The following ZNF30 variants were observed in gnomAD, a reference collection of about 807,000 sequenced individuals.
The protein encoded by ZNF30 is zinc finger protein 30 (KOX 28).
A neutral mutation model predicts 13.2 loss-of-function variants in ZNF30; 15 were observed. The observed-to-expected ratio is 1.13, with a 90% CI of 0.76 to 1.75. ZNF30 has a LOEUF of 1.75. Ranked by LOEUF, ZNF30 falls within the 40% of genes most tolerant of loss-of-function variation. The pLI, the probability that ZNF30 is intolerant of heterozygous loss-of-function variation, is 0.00. For synonymous variants in ZNF30, 223 were observed against 256.6 expected (o/e 0.87, Z 1.25); for missense variants, 726 against 757.0 (o/e 0.96, Z 0.48).
At chr19:34,928,252 T>TATATATATATATATAG (rs1325117057) in intron 1 of ZNF30, among the ~76,000 whole-genome samples, 34 of 56,508 alleles carry the variant, frequency 6.0e-4, no homozygotes, top group African/African-American at 7.8e-4. Flanking sequence ...TATATATATA[T>TATATATATATATATAG]ATAGATAGAT....
chr19:34,943,077 CTTTT>C, intron 4 of ZNF30, 142 bp from the exon 5 acceptor site: 3 of 478,142 alleles, frequency 6.3e-6, no homozygotes, highest in South Asian at 4.3e-5. Context: ...CTCTGCATTC[CTTTT>C]TTTTTTTTTG....
upstream of ZNF30, among the ~76,000 whole-genome samples, chr19:34,926,015 T>C (rs2012058843): frequency 6.6e-6 from 1 of 151,942 alleles, no homozygotes; most frequent in Admixed American, 6.6e-5. Context: ...CTACAAAAAA[T>C]ATACAAAAAT....
chr19:34,930,009 T>C, intron 2 of ZNF30, 53 bp downstream of exon 2: 1 of 1,543,574 alleles, frequency 6.5e-7, no homozygotes, highest in Non-Finnish European at 8.8e-7. Context: ...ACGTGGCTAT[T>C]TTCCTTAATT....
intron 1 of ZNF30, among the ~76,000 whole-genome samples, chr19:34,927,509 G>GA (rs753677883): frequency 6.6e-6 from 1 of 152,136 alleles, no homozygotes; most frequent in African/African-American, 2.4e-5. Context: ...TTCTTGTTTG[G>GA]AAAAAACTGT....
At chr19:34,938,737 C>T (rs879561020) in intron 4 of ZNF30, among the ~76,000 whole-genome samples, 3 of 152,224 alleles carry the variant, frequency 2.0e-5, no homozygotes, top group Admixed American at 1.3e-4. Context: ...ACTAAGACTG[C>T]CTGTGGTTGT....
intron 2 of ZNF30, 92 bp from the exon 3 acceptor site, chr19:34,931,751 T>C (rs1255879790): frequency 7.6e-7 from 1 of 1,317,116 alleles, no homozygotes; most frequent in Non-Finnish European, 1.0e-6. Context: ...GCTTCCAGCC[T>C]ATGTGATTGT....
intron 4 of ZNF30, among the ~76,000 whole-genome samples, chr19:34,935,650 C>T (rs895084967): frequency 1.3e-5 from 2 of 148,266 alleles, no homozygotes; most frequent in African/African-American, 5.0e-5. Flanking sequence ...TAGAATTTTG[C>T]CATTTTGAGG....
At chr19:34,932,632 T>C (rs2012511683) in intron 3 of ZNF30, among the ~76,000 whole-genome samples, 1 of 152,216 alleles carries the variant, frequency 6.6e-6, no homozygotes. Context: ...CTATAGGTGC[T>C]AACCATTTTA....
At chr19:34,940,355 TTTCTG>T (rs949740317) in intron 4 of ZNF30, among the ~76,000 whole-genome samples, 2 of 152,136 alleles carry the variant, frequency 1.3e-5, no homozygotes, top group African/African-American at 4.8e-5. Context: ...AAAAGTTTTT[TTTCTG>T]TTCTTTTATT....
In ZNF30 at chr19:34,933,669, C is replaced by G; in HGVS notation, c.202C>G (p.Gln68Glu). The change falls in exon 4 of 5, where the codon CAA (glutamine) becomes GAA (glutamate). Residue 68 changes from glutamine (Q) to glutamate (E), a missense_variant. By Grantham distance (29) the Gln-to-Glu change is conservative. Coordinates refer to ENST00000601142, the MANE Select transcript of ZNF30 (RefSeq NM_194325.3). ...SKPHVIALLE[Q>E]WKEPEVTVRK... ...ACCACATGTGATCGCCTTATTGGAA[C>G]AATGGAAAGAGCCTGAAGTGACAGT... is the stretch of plus-strand genomic sequence containing the variant. The G allele has an allele frequency of 6.2e-7, 1 of 1,601,656 alleles. No individual in the cohort carries two copies. Among genetic ancestry groups the G allele is most frequent in the Non-Finnish European group, 8.5e-7 (1 of 1,173,794 alleles).
At position 34,928,020 on chromosome 19, in the gene ZNF30, C is replaced by T. The variant is rs370002863; in HGVS notation, c.-65+804C>T. Among the ~76,000 whole-genome samples the T allele has an allele frequency of 2.3e-3, 352 of 151,552 alleles. 12 individuals carry two copies. Among genetic ancestry groups the T allele is most frequent in the African/African-American group, 8.1e-3 (336 of 41,326 alleles). ...GAGTTCGAGACCACCAACATGGCAA[C>T]ATGGTGAAACCCCGTCTCTACTAAA... On this transcript the variant is annotated intron_variant, in intron 1 of 4. Transcript: ENST00000601142.
chr19:34,944,150 C>T lies in ZNF30; in HGVS notation c.1184C>T (p.Thr395Ile), dbSNP rs368489324. 1 of 1,613,824 alleles carries T rather than the reference C, an allele frequency of 6.2e-7. No homozygotes were observed. The highest frequency in any genetic ancestry group is 8.5e-7 in the Non-Finnish European group (1 of 1,179,758). Residue 395 changes from threonine (T) to isoleucine (I), a missense_variant, in exon 5 of 5, where the codon ACT becomes ATT. By Grantham distance (89) the Thr-to-Ile change is moderately conservative. Transcript: ENST00000601142. ...SYLVQHGRLH[T>I]GEKPYECKEC... ...CTTGTTCAACATGGAAGACTTCACA[C>T]TGGCGAGAAGCCCTATGAATGTAAG...
chr19:34,934,497 T>C (rs186759727), intron 4 of ZNF30, among the ~76,000 whole-genome samples: 2 of 152,294 alleles, frequency 1.3e-5, no homozygotes, highest in East Asian at 3.9e-4. Context: ...ACTCCTGGGC[T>C]CAAGTGATCC....
At chr19:34,933,375 C>A (rs1277116667) in intron 3 of ZNF30, among the ~76,000 whole-genome samples, 2 of 151,978 alleles carry the variant, frequency 1.3e-5, no homozygotes, top group African/African-American at 4.8e-5. Context: ...ATTGCTTGAA[C>A]CCGGGAAGCG....
chr19:34,940,667 C>CAAAAAAAAAAAAA (rs59553578), intron 4 of ZNF30, among the ~76,000 whole-genome samples: 1 of 63,946 alleles, frequency 1.6e-5, no homozygotes, highest in Non-Finnish European at 3.3e-5. Flanking sequence ...GACTCCGTCT[C>CAAAAAAAAAAAAA]AAAAAAAAAA....
At chr19:34,939,941 G>C (rs946982121) in intron 4 of ZNF30, among the ~76,000 whole-genome samples, 9 of 152,180 alleles carry the variant, frequency 5.9e-5, no homozygotes, top group Non-Finnish European at 1.5e-5. Flanking sequence ...GTAGATTGTA[G>C]TTTTATAAAA....
intron 4 of ZNF30, among the ~76,000 whole-genome samples, chr19:34,939,625 T>C (rs1265901286): frequency 6.6e-6 from 1 of 152,184 alleles, no homozygotes; most frequent in East Asian, 1.9e-4. Context: ...AAAAGCTAAT[T>C]TTTTTAAAAA....
At position 34,942,938 on chromosome 19, in the gene ZNF30, A is replaced by G. The variant is rs548914537; in HGVS notation, c.257-285A>G. On this transcript the variant is annotated intron_variant, in intron 4 of 4. Coordinates refer to ENST00000601142, the MANE Select transcript of ZNF30 (RefSeq NM_194325.3). The stretch of plus-strand genomic sequence containing the variant: ...TGTCCAGGAACTTCCCCTATGTCTG[A>G]TTCAGAGGGGCGGGATGCTGCTTGA... Among the ~76,000 whole-genome samples the G allele has an allele frequency of 3.9e-5, 6 of 152,338 alleles. 1 individual carries two copies. The South Asian group carries it at 1.0e-3, about 26-fold the overall frequency.
At position 34,943,709 on chromosome 19, in the gene ZNF30, C is replaced by T. The variant is rs1458670649; in HGVS notation, c.743C>T (p.Thr248Ile). Residue 248 changes from threonine (T) to isoleucine (I), a missense_variant, in exon 5 of 5, where the codon ACC becomes ATC. Transcript: ENST00000601142. ...GCTTTTCTAGTATATGGAAAGCTTA[C>T]CCGGCATCAGAGTACTCACACTGGT... ...GKAFLVYGKL[T>I]RHQSTHTGEK... 11 of 1,613,488 alleles carry T rather than the reference C, an allele frequency of 6.8e-6. No individual in the cohort carries two copies. Among genetic ancestry groups the T allele is most frequent in the Non-Finnish European group, 9.3e-6 (11 of 1,179,660 alleles).
Sources: allele counts gnomAD v4.1 joint callset (sites outside exome capture counted in the v4.1 genomes callset), GRCh38; gene constraint gnomAD v4.1.1; transcripts MANE v1.5; gene names NCBI Gene and HGNC (gene_info 2026-07-23, HGNC 2026-07-21).